Variants in SGCZ observed in about 807,000 individuals in gnomAD.
SGCZ encodes sarcoglycan zeta.
In SGCZ, 40 loss-of-function variants were observed where a neutral mutation model predicts 41.3. That is an observed-to-expected ratio of 0.97 (90% CI 0.75 to 1.26). The LOEUF is 1.26. Ranked by LOEUF, SGCZ falls within the 50% of genes most tolerant of loss-of-function variation. SGCZ has a pLI of 0.00. For synonymous variants in SGCZ, 206 were observed against 137.5 expected (o/e 1.50, Z -3.49); for missense variants, 552 against 369.8 (o/e 1.49, Z -4.04).
At chr8:14,997,834 C>T (rs1802271013) in intron 1 of SGCZ, among the ~76,000 whole-genome samples, 2 of 152,146 alleles carry the variant, frequency 1.3e-5, no homozygotes, top group South Asian at 4.1e-4. Context: ...ATGGCACACG[C>T]CTGTAATCCC....
At chr8:14,216,590 G>C (rs1227426039) in intron 4 of SGCZ, among the ~76,000 whole-genome samples, 2 of 152,074 alleles carry the variant, frequency 1.3e-5, no homozygotes, top group Non-Finnish European at 2.9e-5. Flanking sequence ...TTTATTCTAG[G>C]TATGCCAGGG....
At chr8:14,876,812 C>G (rs1804372761) in intron 1 of SGCZ, among the ~76,000 whole-genome samples, 1 of 152,092 alleles carries the variant, frequency 6.6e-6, no homozygotes, top group South Asian at 2.1e-4. Flanking sequence ...ATAAGCAGAG[C>G]TACCAGATGA....
chr8:14,170,216 G>C (rs1277397510), intron 4 of SGCZ, among the ~76,000 whole-genome samples: 1 of 151,928 alleles, frequency 6.6e-6, no homozygotes. Flanking sequence ...CAAATCCTCA[G>C]TATTTAATTA....
At chr8:14,899,047 T>A (rs925194110) in intron 1 of SGCZ, among the ~76,000 whole-genome samples, 2 of 152,244 alleles carry the variant, frequency 1.3e-5, no homozygotes, top group Admixed American at 1.3e-4. Flanking sequence ...GTTTCACTTT[T>A]TTTTAAGAAG....
intron 1 of SGCZ, among the ~76,000 whole-genome samples, chr8:14,821,520 T>A (rs1372884608): frequency 6.6e-6 from 1 of 151,898 alleles, no homozygotes; most frequent in Admixed American, 6.6e-5. Flanking sequence ...AAAAAATATA[T>A]AATATAGGCT....
chr8:14,931,440 A>C (rs1358876894), intron 1 of SGCZ, among the ~76,000 whole-genome samples: 2 of 152,066 alleles, frequency 1.3e-5, no homozygotes, highest in Non-Finnish European at 2.9e-5. Context: ...GGATATATTT[A>C]CTAGTGTTTC....
At chr8:14,093,183 TTC>T (rs1044882770) in intron 7 of SGCZ, among the ~76,000 whole-genome samples, 17 of 152,090 alleles carry the variant, frequency 1.1e-4, no homozygotes, top group Non-Finnish European at 2.5e-4. Flanking sequence ...ATATTCTGCT[TTC>T]TCTCTCTTTG....
chr8:15,204,248 C>T (rs1429018273), intron 1 of SGCZ, among the ~76,000 whole-genome samples: 3 of 152,114 alleles, frequency 2.0e-5, no homozygotes, highest in Admixed American at 6.5e-5. Flanking sequence ...AAGTACAGTA[C>T]ACAATCAATA....
intron 1 of SGCZ, among the ~76,000 whole-genome samples, chr8:15,219,409 T>C (rs566454308): frequency 6.6e-6 from 1 of 152,318 alleles, no homozygotes; most frequent in Non-Finnish European, 1.5e-5. Context: ...ATCAACTGCA[T>C]CTTCTGCTTT....
intron 1 of SGCZ, among the ~76,000 whole-genome samples, chr8:15,234,271 C>G (rs2117215346): frequency 6.6e-6 from 1 of 152,298 alleles, no homozygotes; most frequent in South Asian, 2.1e-4. Flanking sequence ...CTCTATAACT[C>G]AGAGATACTC....
At chr8:15,222,893 T>C (rs1801651388) in intron 1 of SGCZ, among the ~76,000 whole-genome samples, 1 of 152,124 alleles carries the variant, frequency 6.6e-6, no homozygotes, top group Admixed American at 6.6e-5. Context: ...AAATGGAAAG[T>C]AAATGTAAAA....
chr8:14,340,932 A>G (rs891570783), intron 2 of SGCZ, among the ~76,000 whole-genome samples: 1 of 152,120 alleles, frequency 6.6e-6, no homozygotes, highest in Non-Finnish European at 1.5e-5. Flanking sequence ...CCATTAAACA[A>G]CAACTCCTGA....
Position 14,899,321 on chromosome 8 carries a change from C to T in SGCZ, c.39+338264G>A, listed in dbSNP as rs187878637. ...TTCCCACTTCCCTCCCTCTCTTCTT[C>T]CATCTGTCCAATATTTGTACAACAA... On this transcript the variant is annotated intron_variant, in intron 1 of 7. Coordinates refer to ENST00000382080, the MANE Select transcript of SGCZ (RefSeq NM_139167.4). Among the ~76,000 whole-genome samples, 29 of 152,264 alleles carry T rather than the reference C, an allele frequency of 1.9e-4. No homozygotes were observed. In the East Asian group the frequency reaches 4.6e-3, roughly 24 times the overall value.
At chr8:14,375,067 AGG>A (rs1804063191) in intron 2 of SGCZ, among the ~76,000 whole-genome samples, 1 of 152,152 alleles carries the variant, frequency 6.6e-6, no homozygotes, top group Non-Finnish European at 1.5e-5. Context: ...AGAAGAGCTG[AGG>A]GAATTGAGAG....
intron 1 of SGCZ, among the ~76,000 whole-genome samples, chr8:14,799,680 AT>A (rs1446577205): frequency 1.5e-5 from 2 of 137,912 alleles, no homozygotes; most frequent in South Asian, 2.2e-4. Context: ...CAAGGGCAAA[AT>A]AAAAAAAAAT....
intron 1 of SGCZ, among the ~76,000 whole-genome samples, chr8:15,187,735 C>A (rs527433664): frequency 6.4e-4 from 97 of 151,966 alleles, no homozygotes; most frequent in African/African-American, 2.1e-3. Context: ...ATAACTATAG[C>A]CATAAGGTTT....
At chr8:14,519,067 T>TAAAA (rs58653228) in intron 2 of SGCZ, among the ~76,000 whole-genome samples, 27 of 113,588 alleles carry the variant, frequency 2.4e-4, no homozygotes, top group African/African-American at 6.8e-4. Flanking sequence ...AGACTCTGTC[T>TAAAA]AAAAAAAAAA....
At position 14,992,283 on chromosome 8, in the gene SGCZ, C is replaced by T. The variant is rs906370696; in HGVS notation, c.39+245302G>A. ...TATTTACCTCTCACCCTCAACTATT[C>T]AACTCCAAAACTAATGTTGGCATTG... On this transcript the variant is annotated intron_variant, in intron 1 of 7. Coordinates refer to ENST00000382080, the MANE Select transcript of SGCZ (RefSeq NM_139167.4). Among the ~76,000 whole-genome samples, 81 of 146,434 alleles carry T rather than the reference C, an allele frequency of 5.5e-4. 1 individual carries two copies. Among genetic ancestry groups the T allele is most frequent in the Non-Finnish European group, 1.5e-4 (10 of 66,734 alleles).
chr8:14,401,320 G>C (rs1427778300), intron 2 of SGCZ, among the ~76,000 whole-genome samples: 2 of 150,494 alleles, frequency 1.3e-5, no homozygotes, highest in African/African-American at 4.9e-5. Flanking sequence ...AAGTTTTAGG[G>C]TACATGTGCA....
Sources: gnomAD v4.1 joint callset for allele counts (sites outside exome capture counted in the v4.1 genomes callset) on GRCh38, gnomAD v4.1.1 for gene constraint, MANE v1.5 for transcripts, NCBI Gene and HGNC (gene_info 2026-07-23, HGNC 2026-07-21) for gene names.